Variants in SMYD3 observed in about 807,000 individuals in gnomAD.
The protein encoded by SMYD3 is SET and MYND domain containing 3, also known as histone-lysine N-methyltransferase SMYD3.
SMYD3 carries 36 observed loss-of-function variants against 57.7 expected under a neutral mutation model. The ratio of observed to expected loss-of-function variants is 0.62; its 90% CI spans 0.48 to 0.82. The LOEUF (loss-of-function observed/expected upper bound fraction) is 0.82, where lower values mean the gene tolerates loss of function less well. Among genes scored for constraint, SMYD3 ranks in the 40% least tolerant of loss-of-function variants. The probability of loss-of-function intolerance (pLI) is 0.00; values close to 1 mark genes in which losing one functional copy is unlikely to be tolerated. For synonymous variants in SMYD3, 211 were observed against 195.0 expected (o/e 1.08, Z -0.68); for missense variants, 515 against 538.8 (o/e 0.96, Z 0.44).
At chr1:246,503,826 G>C (rs1423123463) in intron 1 of SMYD3, among the ~76,000 whole-genome samples, 1 of 151,854 alleles carries the variant, frequency 6.6e-6, no homozygotes, top group African/African-American at 2.4e-5. Flanking sequence ...AGCCAGGCGT[G>C]GTCTGTAATC....
intron 5 of SMYD3, among the ~76,000 whole-genome samples, chr1:246,308,503 A>C (rs909638966): frequency 1.1e-4 from 16 of 152,304 alleles, no homozygotes; most frequent in African/African-American, 3.8e-4. Context: ...ACAGTGATAT[A>C]GAGAATGAGG....
chr1:246,156,382 A>G lies in SMYD3; in HGVS notation c.531+170819T>C, dbSNP rs554806951. 1.5e-4 allele frequency among the ~76,000 whole-genome samples: 23 copies of G among 152,354 alleles called. 1 individual carries two copies. The highest frequency in any genetic ancestry group is 3.1e-4 in the Non-Finnish European group (21 of 68,030). On this transcript the variant is annotated intron_variant, in intron 5 of 11. Transcript: ENST00000490107. Reference sequence around the variant, plus strand: ...CAAAATTAAGTTTTTTAAATAATTTAGATTCTAAAGAAAGGAACTTTTAGA... The same window carrying G: ...CAAAATTAAGTTTTTTAAATAATTTGGATTCTAAAGAAAGGAACTTTTAGA...
intron 10 of SMYD3, among the ~76,000 whole-genome samples, chr1:245,854,166 A>C (rs1393371952): frequency 6.6e-6 from 1 of 152,224 alleles, no homozygotes; most frequent in Non-Finnish European, 1.5e-5. Context: ...TACGTTTTGA[A>C]ATGGCTTTAG....
At chr1:245,804,298 A>T (rs2048030152) in intron 10 of SMYD3, among the ~76,000 whole-genome samples, 1 of 152,156 alleles carries the variant, frequency 6.6e-6, no homozygotes, top group African/African-American at 2.4e-5. Flanking sequence ...CTCCCAAATT[A>T]ATGTGTTAAA....
chr1:246,135,555 G>A (rs2061654084), intron 5 of SMYD3, among the ~76,000 whole-genome samples: 1 of 151,962 alleles, frequency 6.6e-6, no homozygotes, highest in Admixed American at 6.6e-5. Flanking sequence ...ACATAAATTT[G>A]CTTAAGATGC....
intron 5 of SMYD3, among the ~76,000 whole-genome samples, chr1:246,051,133 C>CTT (rs11453523): frequency 5.2e-4 from 73 of 141,712 alleles, no homozygotes; most frequent in Middle Eastern, 3.7e-3. Context: ...TTTCTTACTC[C>CTT]TTTTTTTTTT....
intron 1 of SMYD3, among the ~76,000 whole-genome samples, chr1:246,418,629 G>A (rs1333022552): frequency 6.6e-6 from 1 of 152,158 alleles, no homozygotes; most frequent in Non-Finnish European, 1.5e-5. Context: ...GAGAATAAGT[G>A]CAAGGTTTTA....
At chr1:246,069,492 C>T (rs773105456) in intron 5 of SMYD3, among the ~76,000 whole-genome samples, 3 of 152,110 alleles carry the variant, frequency 2.0e-5, no homozygotes, top group Non-Finnish European at 4.4e-5. Context: ...TTTGTTTTTG[C>T]CAATAAACTA....
chr1:246,010,180 A>T (rs1351745144), intron 5 of SMYD3, among the ~76,000 whole-genome samples: 1 of 151,832 alleles, frequency 6.6e-6, no homozygotes, highest in Non-Finnish European at 1.5e-5. Flanking sequence ...TGTGAATGTC[A>T]TAAGAAGTTT....
intron 5 of SMYD3, among the ~76,000 whole-genome samples, chr1:246,304,228 T>C (rs754590251): frequency 1.3e-5 from 2 of 152,172 alleles, no homozygotes; most frequent in Non-Finnish European, 2.9e-5. Context: ...TAATACAAAA[T>C]ACATTTGCAT....
At chr1:246,334,276 G>A (rs1013251687) in intron 3 of SMYD3, among the ~76,000 whole-genome samples, 2 of 152,118 alleles carry the variant, frequency 1.3e-5, no homozygotes, top group South Asian at 2.1e-4. Context: ...TCATCACAGT[G>A]CCATTCACAA....
intron 5 of SMYD3, among the ~76,000 whole-genome samples, chr1:246,305,158 G>A (rs915928122): frequency 2.0e-5 from 3 of 152,194 alleles, no homozygotes; most frequent in Non-Finnish European, 2.9e-5. Flanking sequence ...TCACAGTAAT[G>A]CTGAATCCGA....
Position 246,059,119 on chromosome 1 carries a change from G to A in SMYD3, c.532-129182C>T, listed in dbSNP as rs558551860. 9.2e-5 allele frequency among the ~76,000 whole-genome samples: 14 copies of A among 152,200 alleles called. No individual in the cohort carries two copies. The South Asian group carries it at 1.9e-3, about 20-fold the overall frequency. On this transcript the variant is annotated intron_variant, in intron 5 of 11. Coordinates refer to ENST00000490107, the MANE Select transcript of SMYD3 (RefSeq NM_001167740.2). ...TCTCAATCTCCTGACCTTGTGATCC[G>A]CCTGCCTCGGCCTCCCAAAGTGCTG...
intron 5 of SMYD3, among the ~76,000 whole-genome samples, chr1:245,949,134 C>T (rs574808156): frequency 1.3e-5 from 2 of 152,340 alleles, no homozygotes; most frequent in Admixed American, 1.3e-4. Context: ...ACTGCCATTG[C>T]CTATGCCACG....
At chr1:246,505,870 T>A (rs2068529633) in intron 1 of SMYD3, among the ~76,000 whole-genome samples, 2 of 152,232 alleles carry the variant, frequency 1.3e-5, no homozygotes, top group South Asian at 4.1e-4. Context: ...CCAAGAACTA[T>A]CTTGAAAGGA....
At chr1:246,131,755 G>A (rs1187562086) in intron 5 of SMYD3, among the ~76,000 whole-genome samples, 1 of 152,160 alleles carries the variant, frequency 6.6e-6, no homozygotes, top group Non-Finnish European at 1.5e-5. Flanking sequence ...TAAATTTCCG[G>A]AGAAGTCTAG....
intron 11 of SMYD3, among the ~76,000 whole-genome samples, chr1:245,751,572 AAGAGAAAGAGAGAGAG>A (rs1271731866): frequency 2.2e-3 from 225 of 103,202 alleles, no homozygotes; most frequent in African/African-American, 0.013. Flanking sequence ...GACAGAGAGA[AAGAGAAAGAGAGAGAG>A]AGAGAAAGAG....
At chr1:246,489,878 A>T (rs2068243092) in intron 1 of SMYD3, among the ~76,000 whole-genome samples, 2 of 152,236 alleles carry the variant, frequency 1.3e-5, no homozygotes, top group South Asian at 4.2e-4. Context: ...TCTGTCACCC[A>T]GTGGAGTGAC....
intron 5 of SMYD3, among the ~76,000 whole-genome samples, chr1:246,084,195 CTTT>C (rs772938424): frequency 7.4e-6 from 1 of 135,484 alleles, no homozygotes; most frequent in Admixed American, 7.4e-5. Context: ...CTGACAATTC[CTTT>C]TTTTTTTTTT....
Sources: allele counts gnomAD v4.1 joint callset (sites outside exome capture counted in the v4.1 genomes callset), GRCh38; gene constraint gnomAD v4.1.1; transcripts MANE v1.5; gene names NCBI Gene and HGNC (gene_info 2026-07-23, HGNC 2026-07-21).